KHDRBS2: variants seen among roughly 807,000 people sequenced by gnomAD.
KHDRBS2 encodes the protein KH RNA binding domain containing, signal transduction associated 2.
KHDRBS2 carries 26 observed loss-of-function variants against 44.3 expected under a neutral mutation model. The ratio of observed to expected loss-of-function variants is 0.59; its 90% CI spans 0.43 to 0.81. The LOEUF (loss-of-function observed/expected upper bound fraction) is 0.81, where lower values mean the gene tolerates loss of function less well. KHDRBS2 is among the 40% of genes least tolerant of loss of function. KHDRBS2 has a pLI of 0.00. For synonymous variants in KHDRBS2, 194 were observed against 151.1 expected (o/e 1.28, Z -2.08); for missense variants, 476 against 433.1 (o/e 1.10, Z -0.88).
intron 1 of KHDRBS2, among the ~76,000 whole-genome samples, chr6:62,197,437 G>A (rs1271233665): frequency 1.3e-5 from 2 of 152,100 alleles, no homozygotes; most frequent in East Asian, 1.9e-4. Flanking sequence ...TACAGAAACT[G>A]TTCTTTAAGA....
At chr6:61,773,673 T>A (rs968055794) in intron 6 of KHDRBS2, among the ~76,000 whole-genome samples, 8 of 151,426 alleles carry the variant, frequency 5.3e-5, no homozygotes, top group African/African-American at 1.9e-4. Flanking sequence ...CAATTTTGGC[T>A]TTTGTTGCCA....
chr6:62,094,629 C>T (rs1584658748), intron 2 of KHDRBS2, among the ~76,000 whole-genome samples: 1 of 151,922 alleles, frequency 6.6e-6, no homozygotes, highest in South Asian at 2.1e-4. Flanking sequence ...TCCAAAAAAT[C>T]CCTGCCTAGG....
intron 6 of KHDRBS2, among the ~76,000 whole-genome samples, chr6:61,743,317 G>C (rs895132036): frequency 5.9e-5 from 9 of 151,982 alleles, no homozygotes; most frequent in Non-Finnish European, 1.3e-4. Context: ...CTACTTAACA[G>C]ATTAGGAAAA....
intron 4 of KHDRBS2, among the ~76,000 whole-genome samples, chr6:61,921,854 A>G (rs1808126106): frequency 6.6e-6 from 1 of 151,984 alleles, no homozygotes; most frequent in South Asian, 2.1e-4. Context: ...GTGTTGAATG[A>G]TGTGTTACTA....
rs1766244656 is a variant in KHDRBS2 at position 61,681,113 on chromosome 6, A to G, written c.953-53T>C. The G allele has an allele frequency of 4.9e-6, 6 of 1,232,694 alleles. No individual in the cohort carries two copies. The South Asian group carries it at 6.1e-5, about 12-fold the overall frequency. The allele number at this position is 1,232,694 out of a possible 1,614,324, so 76.4% of individuals were successfully genotyped here. ...ACACATGACTTCACAGTTACCAAAA[A>G]TAGTCATTTAAGACACAATAGTTGA... is the stretch of plus-strand genomic sequence containing the variant. On this transcript the variant is annotated intron_variant, in intron 8 of 8. Coordinates refer to ENST00000281156, the MANE Select transcript of KHDRBS2 (RefSeq NM_152688.4).
intron 2 of KHDRBS2, among the ~76,000 whole-genome samples, chr6:62,175,701 G>A (rs576410188): frequency 6.6e-6 from 1 of 151,582 alleles, no homozygotes; most frequent in South Asian, 2.1e-4. Flanking sequence ...TATTGTTGGA[G>A]CATTTTCTTA....
At chr6:61,871,727 A>G (rs918368027) in intron 6 of KHDRBS2, among the ~76,000 whole-genome samples, 4 of 152,232 alleles carry the variant, frequency 2.6e-5, no homozygotes, top group African/African-American at 9.6e-5. Context: ...AAGAATTTTC[A>G]ACTCAGAATT....
intron 2 of KHDRBS2, among the ~76,000 whole-genome samples, chr6:62,124,618 C>CACACACACACA (rs1429263493): frequency 5.9e-5 from 9 of 151,720 alleles, no homozygotes; most frequent in Non-Finnish European, 1.0e-4. Flanking sequence ...CACACACACA[C>CACACACACACA]ACCACCTTTA....
intron 3 of KHDRBS2, among the ~76,000 whole-genome samples, chr6:62,027,012 CT>C (rs112885444): frequency 0.046 from 6,575 of 143,602 alleles, 444 homozygotes; most frequent in African/African-American, 0.15. Context: ...TTCTTATTTC[CT>C]TTTTTTTTTT....
At chr6:62,099,986 C>A (rs541982482) in intron 2 of KHDRBS2, among the ~76,000 whole-genome samples, 1 of 152,162 alleles carries the variant, frequency 6.6e-6, no homozygotes, top group Admixed American at 6.5e-5. Flanking sequence ...ATAGTGATTT[C>A]TCTGATGAAT....
At chr6:61,813,077 T>C (rs1788380169) in intron 6 of KHDRBS2, among the ~76,000 whole-genome samples, 1 of 152,140 alleles carries the variant, frequency 6.6e-6, no homozygotes, top group Non-Finnish European at 1.5e-5. Context: ...ATGTAAATTA[T>C]ATGTATTATT....
chr6:61,722,330 C>T (rs1772756228), intron 7 of KHDRBS2, among the ~76,000 whole-genome samples: 1 of 152,126 alleles, frequency 6.6e-6, no homozygotes, highest in Non-Finnish European at 1.5e-5. Context: ...TTTTCCTGAA[C>T]TAGCAATACC....
intron 2 of KHDRBS2, among the ~76,000 whole-genome samples, chr6:62,164,964 C>A (rs1192145463): frequency 6.6e-6 from 1 of 151,854 alleles, no homozygotes; most frequent in Non-Finnish European, 1.5e-5. Context: ...GTGATAGGAA[C>A]ATTAGCTTCT....
chr6:62,014,890 G>A (rs933439891), intron 3 of KHDRBS2, among the ~76,000 whole-genome samples: 1 of 152,050 alleles, frequency 6.6e-6, no homozygotes, highest in African/African-American at 2.4e-5. Flanking sequence ...TAAGAATGTG[G>A]TTTCGTTTAG....
At chr6:61,907,270 G>C (rs1805209161) in intron 4 of KHDRBS2, among the ~76,000 whole-genome samples, 1 of 151,636 alleles carries the variant, frequency 6.6e-6, no homozygotes, top group Non-Finnish European at 1.5e-5. Flanking sequence ...TTTTCCTATT[G>C]AGTTGTTTGA....
At chr6:61,870,792 T>C (rs1347532292) in intron 6 of KHDRBS2, among the ~76,000 whole-genome samples, 1 of 151,626 alleles carries the variant, frequency 6.6e-6, no homozygotes, top group Non-Finnish European at 1.5e-5. Context: ...GCCTGACTAT[T>C]AGAAGAAAAA....
chr6:61,814,873 T>C (rs1788668120), intron 6 of KHDRBS2, among the ~76,000 whole-genome samples: 1 of 152,084 alleles, frequency 6.6e-6, no homozygotes, highest in South Asian at 2.1e-4. Flanking sequence ...TTAAGGACTC[T>C]GCAGGTTAAC....
At chr6:61,558,171 G>A in the KHDRBS2 span, among the ~76,000 whole-genome samples, 1 of 151,618 alleles carries the variant, frequency 6.6e-6, no homozygotes, top group East Asian at 1.9e-4. Context: ...TTCTGTTTTT[G>A]GGTGTGATTT....
At chr6:61,699,188 A>G (rs1768274697) in intron 7 of KHDRBS2, among the ~76,000 whole-genome samples, 1 of 152,094 alleles carries the variant, frequency 6.6e-6, no homozygotes, top group Non-Finnish European at 1.5e-5. Flanking sequence ...GGACAATAGA[A>G]TAAATTACTC....
Sources: gnomAD v4.1 joint callset for allele counts (sites outside exome capture counted in the v4.1 genomes callset) on GRCh38, gnomAD v4.1.1 for gene constraint, MANE v1.5 for transcripts, NCBI Gene and HGNC (gene_info 2026-07-23, HGNC 2026-07-21) for gene names.